The following PPP1R9A variants were observed in gnomAD, a reference collection of about 807,000 sequenced individuals.
PPP1R9A encodes the protein neurabin-1.
A neutral mutation model predicts 141.9 loss-of-function variants in PPP1R9A; 59 were observed. The ratio of observed to expected loss-of-function variants is 0.42; its 90% confidence interval spans 0.34 to 0.52. The LOEUF is 0.52. Among genes scored for constraint, PPP1R9A ranks in the 20% least tolerant of loss-of-function variants. The probability of loss-of-function intolerance (pLI) is 0.10; values close to 1 mark genes in which losing one functional copy is unlikely to be tolerated. For missense variants in PPP1R9A, 1,444 were observed against 1,611.9 expected (o/e 0.90, Z 1.78); for synonymous variants, 500 against 569.7 (o/e 0.88, Z 1.74).
chr7:95,233,322 G>A (rs1016580561), intron 8 of PPP1R9A, among the ~76,000 whole-genome samples: 1 of 151,428 alleles, frequency 6.6e-6, no homozygotes, highest in African/African-American at 2.4e-5. Flanking sequence ...TGAACAATGA[G>A]AAGATATGGG....
chr7:94,988,281 C>T (rs868078596), intron 2 of PPP1R9A, among the ~76,000 whole-genome samples: 18 of 152,158 alleles, frequency 1.2e-4, no homozygotes, highest in African/African-American at 4.1e-4. Flanking sequence ...TATTAAAAGT[C>T]TTTTATAATT....
chr7:94,980,718 G>C (rs559702047), intron 2 of PPP1R9A, among the ~76,000 whole-genome samples: 1 of 151,584 alleles, frequency 6.6e-6, no homozygotes, highest in African/African-American at 2.4e-5. Context: ...CTGAGGTGCC[G>C]CACAACTATG....
intron 2 of PPP1R9A, among the ~76,000 whole-genome samples, chr7:95,095,279 C>T (rs1482231112): frequency 1.3e-5 from 2 of 152,178 alleles, no homozygotes; most frequent in Admixed American, 6.5e-5. Flanking sequence ...GTTTCTGAGG[C>T]TGTGGTGACA....
At chr7:95,025,226 C>G (rs1392132650) in intron 2 of PPP1R9A, among the ~76,000 whole-genome samples, 1 of 152,102 alleles carries the variant, frequency 6.6e-6, no homozygotes, top group African/African-American at 2.4e-5. Flanking sequence ...ACCACCATGT[C>G]TGGCTAATTT....
In PPP1R9A at chr7:95,213,930, G is replaced by A. The variant is rs1792700908; in HGVS notation, c.1956+10200G>A. 2.6e-5 allele frequency among the ~76,000 whole-genome samples: 4 copies of A among 152,156 alleles called. No homozygotes were observed. In the South Asian group the frequency reaches 6.2e-4, roughly 24 times the overall value. ...ACTTCCTACTTTCTCGTTAGAGAAG[G>A]TGATAATGTTGCTAAGCTTTGTGTC... is the stretch of plus-strand genomic sequence containing the variant. On this transcript the variant is annotated intron_variant, in intron 7 of 19. Transcript: ENST00000433360.
chr7:95,211,182 T>C (rs1792049092), intron 7 of PPP1R9A, among the ~76,000 whole-genome samples: 1 of 151,614 alleles, frequency 6.6e-6, no homozygotes, highest in Admixed American at 6.6e-5. Context: ...TAAAAAGAAA[T>C]TGAATGTCTG....
intron 9 of PPP1R9A, 152 bp downstream of exon 9, chr7:95,247,678 C>CT: frequency 1.7e-6 from 1 of 584,180 alleles, no homozygotes; most frequent in Non-Finnish European, 2.9e-6. Flanking sequence ...GTAGACAAAC[C>CT]TGCCAGTGAG....
rs562099332 is a variant in PPP1R9A, at chr7:95,294,747, A to G, written c.*4444A>G. The G allele has an allele frequency of 1.2e-4, 18 of 152,358 alleles. 1 individual carries two copies. The South Asian group carries it at 3.7e-3, about 32-fold the overall frequency. 9.4% of individuals were successfully genotyped at this position (152,358 alleles called of 1,614,324 possible). A position where few individuals can be genotyped will look rare whatever the true frequency, so the allele number is the denominator to read the frequency against. ...TAAGAAGTTGGAGGGGCAAAGAGAA[A>G]GCCGACAGAATCAGCTTCTCCTGGA... On this transcript the variant is annotated 3_prime_UTR_variant, in exon 20 of 20. Transcript: ENST00000433360.
At chr7:95,237,180 T>TATATATA (rs369840738) in intron 8 of PPP1R9A, among the ~76,000 whole-genome samples, 7 of 133,292 alleles carry the variant, frequency 5.3e-5, no homozygotes, top group African/African-American at 1.1e-4. Context: ...TATATATATA[T>TATATATA]TTTTTTTTTT....
intron 12 of PPP1R9A, among the ~76,000 whole-genome samples, chr7:95,252,808 T>G (rs959987809): frequency 6.6e-6 from 1 of 152,164 alleles, no homozygotes; most frequent in Non-Finnish European, 1.5e-5. Flanking sequence ...AAGATCTTTT[T>G]CATAATATCA....
chr7:94,990,922 A>G (rs766009613), intron 2 of PPP1R9A, among the ~76,000 whole-genome samples: 6 of 152,062 alleles, frequency 3.9e-5, no homozygotes, highest in African/African-American at 1.4e-4. Context: ...TTGTGTATAA[A>G]TACACCACAT....
At chr7:95,228,847 C>T (rs144237765) in intron 8 of PPP1R9A, among the ~76,000 whole-genome samples, 82 of 152,150 alleles carry the variant, frequency 5.4e-4, no homozygotes, top group African/African-American at 1.7e-3. Flanking sequence ...AAAATTTTAT[C>T]GTGCCCTTTA....
At chr7:94,956,140 G>C (rs1797048354) in intron 2 of PPP1R9A, among the ~76,000 whole-genome samples, 1 of 152,028 alleles carries the variant, frequency 6.6e-6, no homozygotes, top group South Asian at 2.1e-4. Flanking sequence ...ATTTCTGTAG[G>C]CATGTTTAAT....
chr7:95,140,460 A>C (rs1468530458), intron 4 of PPP1R9A, among the ~76,000 whole-genome samples: 1 of 152,084 alleles, frequency 6.6e-6, no homozygotes, highest in African/African-American at 2.4e-5. Context: ...GCATAATCTT[A>C]GCTCACTGCA....
chr7:95,144,439 T>G, intron 4 of PPP1R9A, among the ~76,000 whole-genome samples: 1 of 152,212 alleles, frequency 6.6e-6, no homozygotes. Context: ...GGCTATTGTG[T>G]ATAATGCTGC....
intron 2 of PPP1R9A, among the ~76,000 whole-genome samples, chr7:94,999,777 T>TTTTTTTTATTTATTTA (rs556826158): frequency 7.8e-5 from 11 of 141,356 alleles, no homozygotes; most frequent in African/African-American, 3.0e-4. Flanking sequence ...AGATATCTTA[T>TTTTTTTTATTTATTTA]TTTATTTATT....
At chr7:95,079,432 T>C (rs1815417185) in intron 2 of PPP1R9A, among the ~76,000 whole-genome samples, 1 of 152,070 alleles carries the variant, frequency 6.6e-6, no homozygotes, top group African/African-American at 2.4e-5. Flanking sequence ...GGCTCTGAAA[T>C]TGTGGCAATA....
At chr7:94,950,811 A>G (rs1361099143) in intron 2 of PPP1R9A, among the ~76,000 whole-genome samples, 1 of 152,108 alleles carries the variant, frequency 6.6e-6, no homozygotes, top group Non-Finnish European at 1.5e-5. Flanking sequence ...TAGTGGTGCA[A>G]TCATGGCTCA....
intron 2 of PPP1R9A, among the ~76,000 whole-genome samples, chr7:95,022,682 G>T (rs979827841): frequency 6.6e-6 from 1 of 152,080 alleles, no homozygotes; most frequent in African/African-American, 2.4e-5. Flanking sequence ...AGAGTTTTTA[G>T]CATGAAGGGG....
Sources: gnomAD v4.1 joint callset for allele counts (sites outside exome capture counted in the v4.1 genomes callset) on GRCh38, gnomAD v4.1.1 for gene constraint, MANE v1.5 for transcripts, NCBI Gene and HGNC (gene_info 2026-07-23, HGNC 2026-07-21) for gene names.